The following CYB5B variants were observed in gnomAD, a reference collection of about 807,000 sequenced individuals.
CYB5B encodes the protein cytochrome b5 type B.
CYB5B carries 14 observed loss-of-function variants against 21.3 expected under a neutral mutation model. The ratio of observed to expected loss-of-function variants is 0.66; its 90% confidence interval spans 0.43 to 1.03. CYB5B has a LOEUF of 1.03. Ranked by LOEUF, CYB5B falls within the 50% of genes least tolerant of loss-of-function variation. The pLI is 0.00. For synonymous variants in CYB5B, 69 were observed against 68.4 expected, an observed-to-expected ratio of 1.01 and a Z score of -0.04; for missense variants, 166 against 185.1, an observed-to-expected ratio of 0.90 and a Z score of 0.60.
intron 1 of CYB5B, among the ~76,000 whole-genome samples, chr16:69,426,271 C>T (rs1023588899): frequency 1.3e-5 from 2 of 151,670 alleles, no homozygotes; most frequent in East Asian, 1.9e-4. Context: ...TGATGGTGGG[C>T]GCCTGTAGTC....
Position 69,424,626 on chromosome 16 carries a change from G to T in CYB5B, c.-58G>T. On this transcript the variant is annotated 5_prime_UTR_variant, in exon 1 of 5. Transcript: ENST00000307892. ...CTGGTTACGGAAGCCGAGGAAGGCT[G>T]AGCGCGGGCTCTCAAGGAAAGTAGT... 1 of 1,490,582 alleles carries T rather than the reference G, an allele frequency of 6.7e-7. No homozygotes were observed. Among genetic ancestry groups the T allele is most frequent in the South Asian group, 1.4e-5 (1 of 73,200 alleles). 92.3% of individuals were successfully genotyped at this position (1,490,582 alleles called of 1,614,324 possible).
At chr16:69,439,917 C>T (rs1189307807) in intron 1 of CYB5B, among the ~76,000 whole-genome samples, 4 of 151,726 alleles carry the variant, frequency 2.6e-5, no homozygotes, top group African/African-American at 4.8e-5. Context: ...CACTCAGGCT[C>T]GAGTGCAGTG....
chr16:69,441,683 T>G (rs548784040), intron 1 of CYB5B, among the ~76,000 whole-genome samples: 3 of 152,206 alleles, frequency 2.0e-5, no homozygotes, highest in Admixed American at 2.0e-4. Flanking sequence ...TAAAAAGTTA[T>G]GTAAACTCTT....
chr16:69,462,363 G>C (rs1243291948), intron 4 of CYB5B, 67 bp from the exon 5 acceptor site: 3 of 1,285,708 alleles, frequency 2.3e-6, no homozygotes, highest in African/African-American at 1.5e-5. Flanking sequence ...ACATGTGAAA[G>C]CTGAAAGATA....
intron 1 of CYB5B, among the ~76,000 whole-genome samples, chr16:69,446,027 G>A (rs1182326745): frequency 3.3e-5 from 5 of 152,066 alleles, no homozygotes; most frequent in Admixed American, 2.6e-4. Flanking sequence ...CCAGCCACTA[G>A]GTTCTTTCAC....
intron 1 of CYB5B, chr16:69,443,337 T>G (rs964905804): frequency 3.2e-5 from 5 of 157,478 alleles, no homozygotes; most frequent in African/African-American, 9.6e-5. Flanking sequence ...TCCAGAACTT[T>G]CTACTTTGTC....
intron 1 of CYB5B, among the ~76,000 whole-genome samples, chr16:69,430,967 C>T (rs903082400): frequency 1.3e-5 from 2 of 151,062 alleles, no homozygotes; most frequent in East Asian, 3.9e-4. Context: ...GCCACCATGC[C>T]CAGCCCTATT....
Position 69,447,273 on chromosome 16 carries a change from C to A in CYB5B, c.298C>A (p.His100Asn). The change falls in exon 2 of 5, where the codon CAT (histidine) becomes AAT (asparagine). Residue 100 changes from histidine to asparagine, a missense_variant. By Grantham distance (68) the His-to-Asn change is moderately conservative. Coordinates refer to ENST00000307892, the MANE Select transcript of CYB5B (RefSeq NM_030579.3). ...MLKQYYIGDI[H>N]PSDLKPESGS... is the part of the protein sequence containing the mutation. ...AAAGCAGTACTACATTGGTGATATC[C>A]ATCCGGTAAGAACTATCAGAGATGG... 4.3e-6 allele frequency: 7 copies of A among 1,613,456 alleles called. No individual in the cohort carries two copies. Among genetic ancestry groups the A allele is most frequent in the Non-Finnish European group, 5.9e-6 (7 of 1,179,848 alleles).
intron 1 of CYB5B, among the ~76,000 whole-genome samples, 194 bp downstream of exon 1, chr16:69,425,051 G>A (rs773077348): frequency 1.3e-5 from 2 of 152,192 alleles, no homozygotes; most frequent in Non-Finnish European, 2.9e-5. Context: ...AGTCAGCTCC[G>A]AGTTCTGGTG....
intron 1 of CYB5B, among the ~76,000 whole-genome samples, chr16:69,442,763 C>T (rs1163605443): frequency 6.6e-6 from 1 of 150,504 alleles, no homozygotes; most frequent in Non-Finnish European, 1.5e-5. Context: ...CTCAAGCAAT[C>T]TTCCTGCCTT....
intron 1 of CYB5B, among the ~76,000 whole-genome samples, chr16:69,439,028 A>G (rs2014792557): frequency 6.6e-6 from 1 of 152,052 alleles, no homozygotes; most frequent in Admixed American, 6.6e-5. Flanking sequence ...TCCATTGTCA[A>G]TCTCAAGGTC....
At chr16:69,456,719 T>G (rs1469271944) in intron 3 of CYB5B, among the ~76,000 whole-genome samples, 1 of 152,236 alleles carries the variant, frequency 6.6e-6, no homozygotes, top group Non-Finnish European at 1.5e-5. Context: ...GCTTTTCACT[T>G]AAGCATCCAT....
At chr16:69,440,327 C>A (rs2142815317) in intron 1 of CYB5B, among the ~76,000 whole-genome samples, 1 of 152,296 alleles carries the variant, frequency 6.6e-6, no homozygotes, top group East Asian at 1.9e-4. Flanking sequence ...CAGTGCCTGG[C>A]AATCACATTC....
intron 1 of CYB5B, among the ~76,000 whole-genome samples, chr16:69,430,152 A>T (rs1220032309): frequency 6.6e-6 from 1 of 152,214 alleles, no homozygotes; most frequent in African/African-American, 2.4e-5. Context: ...GATAGAAAAT[A>T]TCAAAGTGCA....
At chr16:69,425,407 C>A (rs1283960034) in intron 1 of CYB5B, among the ~76,000 whole-genome samples, 1 of 151,658 alleles carries the variant, frequency 6.6e-6, no homozygotes, top group Non-Finnish European at 1.5e-5. Context: ...ACTCATAAAT[C>A]AACCCTTTTT....
intron 3 of CYB5B, among the ~76,000 whole-genome samples, chr16:69,455,060 A>T (rs1476437438): frequency 6.6e-6 from 1 of 151,720 alleles, no homozygotes; most frequent in East Asian, 1.9e-4. Context: ...CACCCAGCTA[A>T]TTTTTTTGTA....
At chr16:69,454,123 T>A (rs1028314824) in intron 3 of CYB5B, among the ~76,000 whole-genome samples, 2 of 152,230 alleles carry the variant, frequency 1.3e-5, no homozygotes, top group African/African-American at 4.8e-5. Context: ...TAAGTCCTGA[T>A]AGAGATCATC....
chr16:69,452,271 G>A (rs1328722342), intron 3 of CYB5B, among the ~76,000 whole-genome samples: 5 of 136,118 alleles, frequency 3.7e-5, no homozygotes, highest in Admixed American at 1.7e-4. Flanking sequence ...CTGAGATCGC[G>A]CCACTGCACT....
At chr16:69,427,510 A>T (rs2014660456) in intron 1 of CYB5B, among the ~76,000 whole-genome samples, 1 of 151,804 alleles carries the variant, frequency 6.6e-6, no homozygotes, top group Admixed American at 6.6e-5. Flanking sequence ...CTTGAGCTGC[A>T]GCTCTTTACC....
Sources: gnomAD v4.1 joint callset for allele counts (sites outside exome capture counted in the v4.1 genomes callset) on GRCh38, gnomAD v4.1.1 for gene constraint, MANE v1.5 for transcripts, NCBI Gene and HGNC (gene_info 2026-07-23, HGNC 2026-07-21) for gene names.